The following INF2 variants were observed in gnomAD, a reference collection of about 807,000 sequenced individuals.
INF2 encodes inverted formin-2.
INF2 carries 43 observed loss-of-function variants against 123.5 expected under a neutral mutation model. That is an observed-to-expected ratio of 0.35 (90% CI 0.27 to 0.45). The LOEUF is 0.45. Among genes scored for constraint, INF2 ranks in the 20% least tolerant of loss-of-function variants. The pLI is 1.00. For synonymous variants in INF2, 851 were observed against 745.0 expected (o/e 1.14, Z -2.32); for missense variants, 1,453 against 1,682.7 (o/e 0.86, Z 2.39).
Position 104,719,171 on chromosome 14 carries a change from A to C in INF2, c.*378A>C. On this transcript the variant is annotated 3_prime_UTR_variant, in exon 23 of 23. Coordinates refer to ENST00000392634, the MANE Select transcript of INF2 (RefSeq NM_022489.4). Reference sequence around the variant, plus strand: ...CTGCCCTTCAGCCCAGCAAGGTTTAATCAAAATGCAATGCTTTGCAAGTCT... The same window carrying C: ...CTGCCCTTCAGCCCAGCAAGGTTTACTCAAAATGCAATGCTTTGCAAGTCT... 1 of 299,330 alleles carries C rather than the reference A, an allele frequency of 3.3e-6. No individual in the cohort carries two copies. The highest frequency in any genetic ancestry group is 6.2e-6 in the Non-Finnish European group (1 of 162,234). 18.5% of individuals were successfully genotyped at this position (299,330 alleles called of 1,614,324 possible). A position where few individuals can be genotyped will look rare whatever the true frequency, so the allele number is the denominator to read the frequency against.
chr14:104,712,644 G>A, intron 17 of INF2, 91 bp downstream of exon 17: 1 of 1,578,996 alleles, frequency 6.3e-7, no homozygotes, highest in South Asian at 1.1e-5. Flanking sequence ...TGGCTCCAGG[G>A]TGGATCCTGG....
Position 104,708,708 on chromosome 14 carries a change from A to G in INF2, c.1925A>G (p.Asn642Ser), listed in dbSNP as rs750902388. 2 of 1,613,000 alleles carry G rather than the reference A, an allele frequency of 1.2e-6. No individual in the cohort carries two copies. The highest frequency in any genetic ancestry group is 1.3e-5 in the African/African-American group (1 of 74,916). ...GATGCCAAGAAGAGCCTGAACCTCA[A>G]CATCTTCCTGAAGCAATTTAAGTGG... ...FLDAKKSLNL[N>S]IFLKQFKCSN... The change falls in exon 10 of 23, where the codon AAC (asparagine) becomes AGC (serine). Residue 642 changes from asparagine (N) to serine (S), a missense_variant. Asn to Ser is a conservative substitution (Grantham distance 46). Around this residue, in one of 8 missense-constraint regions of INF2, gnomAD observed 192 missense variants for 274.4 expected, o/e 0.70. Coordinates refer to ENST00000392634, the MANE Select transcript of INF2 (RefSeq NM_022489.4).
At position 104,707,526 on chromosome 14, in the gene INF2, C is replaced by T; in HGVS notation, c.1259C>T (p.Thr420Ile). The change falls in exon 8 of 23, where the codon ACC becomes ATC. Residue 420 changes from threonine to isoleucine, a missense_variant. Physicochemically the swap from Thr to Ile is moderately conservative, Grantham distance 89. Around this residue, in one of 8 missense-constraint regions of INF2, gnomAD observed 374 missense variants for 303.7 expected, o/e 1.23. Coordinates refer to ENST00000392634, the MANE Select transcript of INF2 (RefSeq NM_022489.4). ...AGAGCCCTGGAGCAGCAGGCGTCCACCCCACCCCCACCCCCACCCCCACCC... is the reference window on the plus strand; with the variant it reads ...AGAGCCCTGGAGCAGCAGGCGTCCATCCCACCCCCACCCCCACCCCCACCC... ...QPRALEQQAS[T>I]PPPPPPPPLL... 1 of 862,186 alleles carries T rather than the reference C, an allele frequency of 1.2e-6. No homozygotes were observed. Among genetic ancestry groups the T allele is most frequent in the Non-Finnish European group, 1.6e-6 (1 of 615,580 alleles). 53.4% of individuals were successfully genotyped at this position (862,186 alleles called of 1,614,324 possible). A position where few individuals can be genotyped will look rare whatever the true frequency, so the allele number is the denominator to read the frequency against.
At chr14:104,683,323 G>A (rs892648193) in intron 1 of INF2, among the ~76,000 whole-genome samples, 5 of 152,192 alleles carry the variant, frequency 3.3e-5, no homozygotes, top group Non-Finnish European at 7.4e-5. Context: ...CCTCAGCCTG[G>A]GGCTGCCACT....
intron 22 of INF2, chr14:104,715,602 A>G: frequency 3.3e-6 from 2 of 601,746 alleles, no homozygotes; most frequent in Non-Finnish European, 6.0e-6. Flanking sequence ...GCGGGCCTCG[A>G]GAGGGCAGGT....
intron 6 of INF2, among the ~76,000 whole-genome samples, chr14:104,706,673 G>A (rs1170687298): frequency 6.6e-6 from 1 of 152,182 alleles, no homozygotes; most frequent in Non-Finnish European, 1.5e-5. Context: ...TGCCACGGCT[G>A]GGCAGGGGGT....
At chr14:104,713,736 C>T in intron 20 of INF2, 130 bp downstream of exon 20, 1 of 1,022,278 alleles carries the variant, frequency 9.8e-7, no homozygotes, top group Non-Finnish European at 1.4e-6. Context: ...GCCCCTAAGA[C>T]TGGGGACAGC....
chr14:104,712,333 G>C, intron 16 of INF2, 100 bp from the exon 17 acceptor site: 1 of 1,501,076 alleles, frequency 6.7e-7, no homozygotes, highest in South Asian at 1.2e-5. Flanking sequence ...CCTGCAGGGT[G>C]CACAGTGGGG....
chr14:104,714,789 G>C lies in INF2; in HGVS notation c.3627G>C (p.Arg1209Ser). ...TDSSGSGTLP[R>S]ARGRASKGTG... is the part of the protein sequence containing the mutation. ...CCTCGGGGTCGGGCACACTCCCCAGGGCCCGGGGCCGGGCCTCAAAGGGGA... is the reference window on the plus strand; with the variant it reads ...CCTCGGGGTCGGGCACACTCCCCAGCGCCCGGGGCCGGGCCTCAAAGGGGA... The change falls in exon 21 of 23, where the codon AGG (arginine) becomes AGC (serine). Residue 1209 changes from arginine to serine, a missense_variant. By Grantham distance (110) the Arg-to-Ser change is moderately radical (BLOSUM62 -1). Coordinates refer to ENST00000392634, the MANE Select transcript of INF2 (RefSeq NM_022489.4). The C allele has an allele frequency of 2.5e-6, 4 of 1,596,936 alleles. No individual in the cohort carries two copies. The highest frequency in any genetic ancestry group is 3.4e-6 in the Non-Finnish European group (4 of 1,173,830).
In INF2 at chr14:104,711,619, C is replaced by A; in HGVS notation, c.2419-10C>A. The A allele has an allele frequency of 6.2e-7, 1 of 1,612,232 alleles. No homozygotes were observed. Among genetic ancestry groups the A allele is most frequent in the Non-Finnish European group, 8.5e-7 (1 of 1,179,442 alleles). ...CCACAGTGGATCTCACTGGACGTGT[C>A]CCATTGCAGGAAGCGGAAAAGAGCC... On this transcript the variant is annotated splice_polypyrimidine_tract_variant and intron_variant, in intron 15 of 22. Coordinates refer to ENST00000392634, the MANE Select transcript of INF2 (RefSeq NM_022489.4).
intron 1 of INF2, among the ~76,000 whole-genome samples, chr14:104,681,964 G>T (rs764648681): frequency 6.6e-6 from 1 of 152,324 alleles, no homozygotes; most frequent in African/African-American, 2.4e-5. Flanking sequence ...CTCCCAAGGC[G>T]GGAAGTGGGA....
rs1889891987 is a variant in INF2 at position 104,708,514 on chromosome 14, TA to T, written c.1815del (p.Phe606SerfsTer34). 1 of 1,612,298 alleles carries T rather than the reference TA, an allele frequency of 6.2e-7. No individual in the cohort carries two copies. ...CCCGACTTCTCCAGCATCGAGCGAC[TA>T]TTCTCCTTCCCTGCAGCCAAGCCCA... is the stretch of plus-strand genomic sequence containing the variant. ...VEPDFSSIER[L>X]FSFPAAKPKE... On this transcript the variant is annotated frameshift_variant, in exon 9 of 23. Coordinates refer to ENST00000392634, the MANE Select transcript of INF2 (RefSeq NM_022489.4). LOFTEE classifies it high-confidence loss of function.
chr14:104,683,985 G>C, intron 1 of INF2: 1 of 454,058 alleles, frequency 2.2e-6, no homozygotes, highest in Non-Finnish European at 4.4e-6. Flanking sequence ...CCTCCAGGGA[G>C]CCCATCTGGT....
Position 104,684,045 on chromosome 14 carries a change from G to T in INF2, c.-104+2463G>T, listed in dbSNP as rs1291177180. On this transcript the variant is annotated intron_variant, in intron 1 of 2. Coordinates refer to the INF2 transcript ENST00000674723. This position sits in a 1 kb window ranked among gnomAD's most constrained non-coding sequence, Gnocchi z 5.0. ...CAACACCAGGGTTGCAAGGCCCAGT[G>T]TCTTCTCACCTCGTTAGGTGGAGAA... 2.2e-6 allele frequency: 1 copy of T among 455,924 alleles called. No homozygotes were observed. Among genetic ancestry groups the T allele is most frequent in the Non-Finnish European group, 4.4e-6 (1 of 226,768 alleles). 28.2% of individuals were successfully genotyped at this position (455,924 alleles called of 1,614,324 possible). A position where few individuals can be genotyped will look rare whatever the true frequency, so the allele number is the denominator to read the frequency against.
At chr14:104,711,492 A>G in intron 15 of INF2, 137 bp from the exon 16 acceptor site, 1 of 790,798 alleles carries the variant, frequency 1.3e-6, no homozygotes, top group Non-Finnish European at 2.2e-6. Flanking sequence ...GCCCAAGGGA[A>G]AGATTTGAGG....
intron 12 of INF2, 42 bp from the exon 13 acceptor site, chr14:104,710,046 T>G (rs778226393): frequency 1.4e-6 from 2 of 1,463,398 alleles, no homozygotes; most frequent in South Asian, 2.4e-5. Flanking sequence ...CAGGGACAGG[T>G]GGGGGGTGCA....
chr14:104,707,928 A>T lies in INF2; in HGVS notation c.1661A>T (p.His554Leu). The part of the protein sequence containing the change: ...HGLGSAWVPS[H>L]RRVNPPTLRM... ...TTGGGCTCAGCATGGGTCCCCAGCC[A>T]TCGGCGGGTGAACCCACCCACACTG... is the stretch of plus-strand genomic sequence containing the variant. Residue 554 changes from histidine to leucine, a missense_variant, in exon 8 of 23, where the codon CAT (histidine) becomes CTT (leucine). Coordinates refer to ENST00000392634, the MANE Select transcript of INF2 (RefSeq NM_022489.4). 1 of 1,600,506 alleles carries T rather than the reference A, an allele frequency of 6.2e-7. No homozygotes were observed. Among genetic ancestry groups the T allele is most frequent in the Non-Finnish European group, 8.5e-7 (1 of 1,179,614 alleles).
At position 104,701,539 on chromosome 14, in the gene INF2, G is replaced by A. The variant is rs754574646; in HGVS notation, c.174G>A (p.Glu58=). 5.6e-6 allele frequency: 9 copies of A among 1,608,578 alleles called. No homozygotes were observed. The East Asian group carries it at 2.0e-4, about 36-fold the overall frequency. ...ACTCCGGCCTGCGCAAGCGCCTGGA[G>A]GGCAGCGACGGCGGCTGGATGGTGC... ...VNYSGLRKRL[E]GSDGGWMVQF... The change falls in exon 2 of 23, where the codon GAG becomes GAA. Residue 58 remains glutamate, a synonymous_variant. Transcript: ENST00000392634.
chr14:104,702,254 C>G (rs947452424), intron 2 of INF2, among the ~76,000 whole-genome samples: 1 of 152,196 alleles, frequency 6.6e-6, no homozygotes, highest in African/African-American at 2.4e-5. Flanking sequence ...TCCCTAGCGC[C>G]TCCCTCCCCG....
Sources: gnomAD v4.1 joint callset for allele counts (sites outside exome capture counted in the v4.1 genomes callset) on GRCh38, gnomAD v4.1.1 for gene constraint, gnomAD v4.1.1 regional missense constraint, Gnocchi (gnomAD v3.1) non-coding constraint, MANE v1.5 for transcripts, NCBI Gene and HGNC (gene_info 2026-07-23, HGNC 2026-07-21) for gene names.